SGCZ: variants seen among roughly 807,000 people sequenced by gnomAD.
SGCZ encodes the protein sarcoglycan zeta, also known as zeta-sarcoglycan.
A neutral mutation model predicts 41.3 loss-of-function variants in SGCZ; 40 were observed. The observed-to-expected ratio is 0.97, with a 90% CI of 0.75 to 1.26. The LOEUF (loss-of-function observed/expected upper bound fraction) is 1.26, where lower values mean the gene tolerates loss of function less well. SGCZ is among the 50% of genes most tolerant of loss of function. The pLI is 0.00. For missense variants in SGCZ, 552 were observed against 369.8 expected (o/e 1.49, Z -4.04); for synonymous variants, 206 against 137.5 (o/e 1.50, Z -3.49).
intron 3 of SGCZ, among the ~76,000 whole-genome samples, chr8:14,307,492 T>C (rs978909764): frequency 3.3e-5 from 5 of 152,124 alleles, no homozygotes; most frequent in Admixed American, 3.3e-4. Flanking sequence ...CCAATCCCTT[T>C]CCTTTCCTTA....
intron 1 of SGCZ, among the ~76,000 whole-genome samples, chr8:14,850,551 T>C (rs939526384): frequency 6.6e-6 from 1 of 152,146 alleles, no homozygotes; most frequent in Non-Finnish European, 1.5e-5. Flanking sequence ...GTAAAGGTTA[T>C]TATATACAAG....
intron 1 of SGCZ, among the ~76,000 whole-genome samples, chr8:14,637,187 A>G (rs1485620463): frequency 6.6e-6 from 1 of 151,780 alleles, no homozygotes; most frequent in Non-Finnish European, 1.5e-5. Flanking sequence ...TCACTACTCT[A>G]GGACTCTGCT....
chr8:14,632,271 C>T (rs1301997893), intron 1 of SGCZ, among the ~76,000 whole-genome samples: 2 of 152,124 alleles, frequency 1.3e-5, no homozygotes, highest in East Asian at 1.9e-4. Context: ...GATTCTCCCA[C>T]ATCAGCCTCC....
At chr8:14,164,429 T>C (rs1395667354) in intron 5 of SGCZ, 151 bp downstream of exon 5, 3 of 878,112 alleles carry the variant, frequency 3.4e-6, no homozygotes, top group Non-Finnish European at 5.0e-6. Context: ...ACCAGTGCCT[T>C]CCATTTGAAG....
At chr8:14,771,113 G>C (rs527245923) in intron 1 of SGCZ, among the ~76,000 whole-genome samples, 3 of 152,190 alleles carry the variant, frequency 2.0e-5, no homozygotes, top group East Asian at 3.9e-4. Context: ...GTAGTGTAAG[G>C]ATTTGGGTAA....
intron 1 of SGCZ, among the ~76,000 whole-genome samples, chr8:14,797,702 C>T (rs957008273): frequency 6.6e-5 from 10 of 152,176 alleles, no homozygotes; most frequent in African/African-American, 2.4e-4. Context: ...ACCTTTGTGG[C>T]AGCCCCTCCC....
chr8:14,797,580 A>T (rs1326393622), intron 1 of SGCZ, among the ~76,000 whole-genome samples: 4 of 152,212 alleles, frequency 2.6e-5, no homozygotes, highest in Admixed American at 2.6e-4. Flanking sequence ...CAAAGAAAAA[A>T]CTATTTTCTG....
At chr8:14,585,571 T>G (rs934571526) in intron 1 of SGCZ, among the ~76,000 whole-genome samples, 1 of 152,094 alleles carries the variant, frequency 6.6e-6, no homozygotes, top group South Asian at 2.1e-4. Context: ...AACCTATTAA[T>G]GTATTTTAGT....
intron 1 of SGCZ, among the ~76,000 whole-genome samples, chr8:14,768,562 A>T (rs77368190): frequency 6.6e-6 from 1 of 152,154 alleles, no homozygotes; most frequent in African/African-American, 2.4e-5. Flanking sequence ...AATAACTGAA[A>T]GTTAAAATTA....
At chr8:14,461,226 G>C (rs946013076) in intron 2 of SGCZ, among the ~76,000 whole-genome samples, 4 of 151,978 alleles carry the variant, frequency 2.6e-5, no homozygotes, top group Non-Finnish European at 4.4e-5. Flanking sequence ...AACTTGTTTT[G>C]GCAGTAGTCC....
chr8:15,097,716 G>C (rs1266546587), intron 1 of SGCZ, among the ~76,000 whole-genome samples: 1 of 141,324 alleles, frequency 7.1e-6, no homozygotes, highest in Non-Finnish European at 1.5e-5. Flanking sequence ...GCGACAGAGT[G>C]AGAGCTTATA....
chr8:14,352,146 C>T (rs2117106726), intron 2 of SGCZ, among the ~76,000 whole-genome samples: 1 of 152,134 alleles, frequency 6.6e-6, no homozygotes, highest in Non-Finnish European at 1.5e-5. Flanking sequence ...ATGCATCTTT[C>T]AGGGTAAATT....
chr8:15,125,951 G>A (rs1036222596), intron 1 of SGCZ, among the ~76,000 whole-genome samples: 22 of 152,270 alleles, frequency 1.4e-4, no homozygotes, highest in African/African-American at 4.8e-4. Flanking sequence ...TTTGAGACCA[G>A]CCTGACCAAT....
At chr8:14,140,958 T>C (rs967109552) in intron 5 of SGCZ, among the ~76,000 whole-genome samples, 3 of 152,198 alleles carry the variant, frequency 2.0e-5, no homozygotes, top group Admixed American at 6.5e-5. Flanking sequence ...AGCATGTTAC[T>C]GGTACCAAAA....
At chr8:14,623,823 G>A (rs1374165671) in intron 1 of SGCZ, among the ~76,000 whole-genome samples, 1 of 152,156 alleles carries the variant, frequency 6.6e-6, no homozygotes, top group Non-Finnish European at 1.5e-5. Context: ...TGTGCAACAA[G>A]ATGAAAAGAA....
intron 2 of SGCZ, among the ~76,000 whole-genome samples, chr8:14,526,564 C>T (rs935855263): frequency 2.0e-5 from 3 of 152,116 alleles, no homozygotes; most frequent in African/African-American, 4.8e-5. Context: ...TATTTCTACA[C>T]AATTGATAGG....
At chr8:14,397,294 A>T (rs999323457) in intron 2 of SGCZ, among the ~76,000 whole-genome samples, 1 of 152,154 alleles carries the variant, frequency 6.6e-6, no homozygotes, top group African/African-American at 2.4e-5. Context: ...AGTATTTCTG[A>T]TGTAAAAACA....
chr8:14,452,150 A>G (rs1800612959), intron 2 of SGCZ, among the ~76,000 whole-genome samples: 1 of 152,226 alleles, frequency 6.6e-6, no homozygotes, highest in Non-Finnish European at 1.5e-5. Context: ...AACACTAAAA[A>G]GAAATAAGCC....
At chr8:15,027,241 C>G (rs2130952568) in intron 1 of SGCZ, among the ~76,000 whole-genome samples, 1 of 152,194 alleles carries the variant, frequency 6.6e-6, no homozygotes, top group Admixed American at 6.5e-5. Flanking sequence ...CCAGGAAGTT[C>G]TAGAATAAAC....
Sources: allele counts gnomAD v4.1 joint callset (sites outside exome capture counted in the v4.1 genomes callset), GRCh38; gene constraint gnomAD v4.1.1; transcripts MANE v1.5; gene names NCBI Gene and HGNC (gene_info 2026-07-23, HGNC 2026-07-21).